The following AFF1 variants were observed in gnomAD, a reference collection of about 807,000 sequenced individuals.
AFF1 encodes ALF transcription elongation factor 1, also known as AF4/FMR2 family member 1.
Under a neutral mutation model 121.7 loss-of-function variants are expected in AFF1, and 48 were observed. The observed-to-expected ratio is 0.39, with a 90% CI of 0.31 to 0.50. The LOEUF (loss-of-function observed/expected upper bound fraction) is 0.50, where lower values mean the gene tolerates loss of function less well. AFF1 is among the 20% of genes least tolerant of loss of function. The probability of loss-of-function intolerance (pLI) is 0.76; values close to 1 mark genes in which losing one functional copy is unlikely to be tolerated. For missense variants in AFF1, 1,523 were observed against 1,511.7 expected, an observed-to-expected ratio of 1.01 and a Z score of -0.12; for synonymous variants, 613 against 563.0, an observed-to-expected ratio of 1.09 and a Z score of -1.26.
At chr4:87,020,801 A>C (rs1727821262) in intron 2 of AFF1, 1 of 985,240 alleles carries the variant, frequency 1.0e-6, no homozygotes, top group Non-Finnish European at 1.2e-6. Flanking sequence ...TTTTTGATGC[A>C]CAGGTAGTCA....
intron 2 of AFF1, among the ~76,000 whole-genome samples, chr4:87,013,032 CTTTTTTTTTT>C (rs61071328): frequency 3.5e-4 from 33 of 93,486 alleles, no homozygotes; most frequent in African/African-American, 1.0e-3. Context: ...CTATCAAGTT[CTTTTTTTTTT>C]TTTTTTTTTT....
intron 2 of AFF1, among the ~76,000 whole-genome samples, chr4:86,960,003 G>A (rs1722031219): frequency 6.6e-6 from 1 of 152,124 alleles, no homozygotes; most frequent in South Asian, 2.1e-4. Flanking sequence ...ATCACAATGG[G>A]CCCTGACTCT....
chr4:87,091,714 A>G, intron 6 of AFF1, 79 bp from the exon 7 acceptor site: 1 of 987,772 alleles, frequency 1.0e-6, no homozygotes, highest in Non-Finnish European at 1.5e-6. Flanking sequence ...TCCTTTTAAT[A>G]CTAAAAGCTC....
intron 7 of AFF1, 127 bp from the exon 8 acceptor site, chr4:87,094,788 T>C (rs188476136): frequency 3.6e-6 from 3 of 828,048 alleles, no homozygotes; most frequent in African/African-American, 1.7e-5. Context: ...TGTCATCTTA[T>C]AATGCTAAGA....
chr4:86,965,645 A>G (rs940006655), intron 2 of AFF1, among the ~76,000 whole-genome samples: 4 of 152,180 alleles, frequency 2.6e-5, no homozygotes, highest in African/African-American at 7.2e-5. Context: ...TATTAGGCTA[A>G]TGGGCATTTT....
chr4:87,058,560 T>C (rs746943419), intron 4 of AFF1, among the ~76,000 whole-genome samples: 1 of 152,114 alleles, frequency 6.6e-6, no homozygotes, highest in Non-Finnish European at 1.5e-5. Context: ...TCTCTTTCTG[T>C]TTAATCTCAC....
chr4:87,101,749 T>G (rs1725455968), intron 8 of AFF1, among the ~76,000 whole-genome samples: 1 of 152,198 alleles, frequency 6.6e-6, no homozygotes, highest in Non-Finnish European at 1.5e-5. Context: ...AAGTGTTACT[T>G]TTCTTATTAT....
At chr4:87,111,434 A>T (rs1726521153) in intron 11 of AFF1, among the ~76,000 whole-genome samples, 1 of 150,022 alleles carries the variant, frequency 6.7e-6, no homozygotes, top group Non-Finnish European at 1.5e-5. Context: ...GCTCACTGCA[A>T]CCTCTGCCTC....
intron 19 of AFF1, among the ~76,000 whole-genome samples, chr4:87,133,377 A>G (rs1729015347): frequency 6.6e-6 from 1 of 152,208 alleles, no homozygotes; most frequent in Non-Finnish European, 1.5e-5. Flanking sequence ...TTTTAAGAAT[A>G]TCACTTACAC....
rs546009432 is a variant in AFF1 at position 87,002,899 on chromosome 4, C to G, written c.39-43267C>G. 1.4e-4 allele frequency among the ~76,000 whole-genome samples: 21 copies of G among 152,276 alleles called. No homozygotes were observed. In the East Asian group the frequency reaches 4.0e-3, roughly 29 times the overall value. ...GTACTTCAGTGTCCTCAAATTTCAT[C>G]AGAAAGCCAAAGAATTCTTTGCCCC... On this transcript the variant is annotated intron_variant, in intron 2 of 20. Transcript: ENST00000395146.
intron 2 of AFF1, among the ~76,000 whole-genome samples, chr4:86,971,260 G>A (rs1274401132): frequency 6.6e-6 from 1 of 151,860 alleles, no homozygotes; most frequent in African/African-American, 2.4e-5. Flanking sequence ...CTGTTTTTCA[G>A]AGGAAGCTAT....
intron 2 of AFF1, among the ~76,000 whole-genome samples, chr4:86,998,901 A>G (rs560193097): frequency 4.6e-5 from 7 of 152,268 alleles, no homozygotes; most frequent in African/African-American, 1.7e-4. Context: ...TTTGGTAGCA[A>G]TATGTGTGGA....
chr4:87,093,854 T>C (rs1415961081), intron 7 of AFF1, among the ~76,000 whole-genome samples: 1 of 152,122 alleles, frequency 6.6e-6, no homozygotes, highest in Non-Finnish European at 1.5e-5. Context: ...CTGTTTCAGG[T>C]CCCTATTACC....
chr4:87,087,273 C>G (rs1723834734), intron 5 of AFF1, among the ~76,000 whole-genome samples: 1 of 152,214 alleles, frequency 6.6e-6, no homozygotes, highest in Non-Finnish European at 1.5e-5. Context: ...AGACAGAGTG[C>G]TTGCTTTCAT....
intron 2 of AFF1, chr4:87,020,904 T>C (rs1028044850): frequency 1.1e-6 from 1 of 898,822 alleles, no homozygotes; most frequent in Non-Finnish European, 1.3e-6. Context: ...ATAGGTGATA[T>C]TTCTTAAAAA....
chr4:87,009,939 AG>A (rs1295738108), intron 2 of AFF1, among the ~76,000 whole-genome samples: 1 of 152,202 alleles, frequency 6.6e-6, no homozygotes, highest in Non-Finnish European at 1.5e-5. Context: ...TCAGTGTTTA[AG>A]CACACCAGTT....
intron 17 of AFF1, 94 bp downstream of exon 17, chr4:87,131,313 C>G: frequency 1.3e-6 from 2 of 1,489,286 alleles, no homozygotes; most frequent in Non-Finnish European, 1.8e-6. Flanking sequence ...GAAGATGGCT[C>G]AATAAAGGGG....
Position 87,132,198 on chromosome 4 carries a change from T to C in AFF1, c.3174-73T>C. ...GGCAAACCCGGTGTGTTCATTAGGC[T>C]ATAAAAGGTTAGATGGCTGCTTTTC... On this transcript the variant is annotated intron_variant, in intron 18 of 20. Transcript: ENST00000395146. 3 of 1,553,420 alleles carry C rather than the reference T, an allele frequency of 1.9e-6. No individual in the cohort carries two copies. In the Admixed American group the frequency reaches 5.7e-5, roughly 30 times the overall value.
At chr4:87,056,342 AG>A (rs1720137528) in intron 4 of AFF1, among the ~76,000 whole-genome samples, 1 of 152,234 alleles carries the variant, frequency 6.6e-6, no homozygotes, top group Non-Finnish European at 1.5e-5. Flanking sequence ...GAATTAAGAA[AG>A]GAAGGCATTC....
Sources: gnomAD v4.1 joint callset for allele counts (sites outside exome capture counted in the v4.1 genomes callset) on GRCh38, gnomAD v4.1.1 for gene constraint, MANE v1.5 for transcripts, NCBI Gene and HGNC (gene_info 2026-07-23, HGNC 2026-07-21) for gene names.